The following VPS13C variants were observed in gnomAD, a reference collection of about 807,000 sequenced individuals.
VPS13C encodes intermembrane lipid transfer protein VPS13C.
In VPS13C, 358 loss-of-function variants were observed where a neutral mutation model predicts 456.8. That is an observed-to-expected ratio of 0.78 (90% confidence interval 0.72 to 0.86). The LOEUF is 0.86. VPS13C is among the 40% of genes least tolerant of loss of function. VPS13C has a pLI of 0.00. For missense variants in VPS13C, 4,818 were observed against 4,385.4 expected (o/e 1.10, Z -2.79); for synonymous variants, 1,578 against 1,486.7 (o/e 1.06, Z -1.41).
At position 61,882,749 on chromosome 15, in the gene VPS13C, C is replaced by T. The variant is rs2140047322; in HGVS notation, c.9484-13G>A. ...TATCAAAATTGACCTAGAAAAAAAG[C>T]ACATGTTTTTGTGATGAGCTGATAT... On this transcript the variant is annotated splice_polypyrimidine_tract_variant and intron_variant, in intron 68 of 84. Transcript: ENST00000644861. 6.3e-7 allele frequency: 1 copy of T among 1,580,508 alleles called. No homozygotes were observed. Among genetic ancestry groups the T allele is most frequent in the Non-Finnish European group, 8.6e-7 (1 of 1,166,354 alleles).
intron 13 of VPS13C, among the ~76,000 whole-genome samples, chr15:62,009,850 A>G (rs889885606): frequency 2.6e-5 from 4 of 152,160 alleles, no homozygotes; most frequent in African/African-American, 9.7e-5. Context: ...ATTTAATAAG[A>G]GTCTCTTCCA....
intron 9 of VPS13C, among the ~76,000 whole-genome samples, chr15:62,018,214 C>T (rs921007965): frequency 6.6e-6 from 1 of 152,106 alleles, no homozygotes; most frequent in Admixed American, 6.5e-5. Context: ...TCTAGATATA[C>T]AATCATGTCA....
chr15:61,853,501 G>A lies in VPS13C; in HGVS notation c.*956C>T, dbSNP rs1745994426. ...AGAGGGCAGAGTGTAGCTATTTTAA[G>A]GTTTGATTGTCCAGATTTTTTTATT... On this transcript the variant is annotated 3_prime_UTR_variant, in exon 85 of 85. Transcript: ENST00000644861. 1 of 151,990 alleles carries A rather than the reference G, an allele frequency of 6.6e-6. No homozygotes were observed. The highest frequency in any genetic ancestry group is 2.4e-5 in the African/African-American group (1 of 41,396). 9.4% of individuals were successfully genotyped at this position (151,990 alleles called of 1,614,324 possible).
chr15:61,866,106 AT>A (rs1311169097), intron 81 of VPS13C: 2 of 984,902 alleles, frequency 2.0e-6, no homozygotes, highest in African/African-American at 3.5e-5. Flanking sequence ...ATCAATAAAT[AT>A]TTTTACCCAA....
intron 66 of VPS13C, among the ~76,000 whole-genome samples, chr15:61,898,963 T>G (rs1012892845): frequency 1.1e-5 from 1 of 94,400 alleles, no homozygotes; most frequent in African/African-American, 3.8e-5. Context: ...TCAAAACCGC[T>G]CAACTACATG....
chr15:61,984,162 G>T, intron 19 of VPS13C, 150 bp from the exon 20 acceptor site: 1 of 645,998 alleles, frequency 1.5e-6, no homozygotes, highest in Non-Finnish European at 2.6e-6. Flanking sequence ...CCTTAGCCAG[G>T]CATTCAATTG....
chr15:61,966,385 A>T (rs1177136112), intron 29 of VPS13C, among the ~76,000 whole-genome samples: 1 of 151,890 alleles, frequency 6.6e-6, no homozygotes, highest in Admixed American at 6.6e-5. Flanking sequence ...GCTAAGAATC[A>T]GAATGACAAA....
chr15:61,914,829 G>A (rs1191930013), intron 61 of VPS13C, among the ~76,000 whole-genome samples: 1 of 143,556 alleles, frequency 7.0e-6, no homozygotes, highest in Non-Finnish European at 1.5e-5. Context: ...GCAAAGTGCT[G>A]GCTGGGATTT....
intron 66 of VPS13C, among the ~76,000 whole-genome samples, chr15:61,892,044 A>G (rs147397913): frequency 1.3e-3 from 201 of 152,324 alleles, no homozygotes; most frequent in African/African-American, 4.1e-3. Context: ...CACTGGATAA[A>G]GTGAGATCAA....
At chr15:61,924,215 A>AT (rs1271993510) in intron 53 of VPS13C, among the ~76,000 whole-genome samples, 1 of 152,062 alleles carries the variant, frequency 6.6e-6, no homozygotes, top group Non-Finnish European at 1.5e-5. Flanking sequence ...CTTTGTGCAT[A>AT]TTATCAGTTC....
intron 11 of VPS13C, 129 bp downstream of exon 11, chr15:62,012,910 A>G (rs2047096781): frequency 9.3e-6 from 5 of 537,814 alleles, no homozygotes; most frequent in Non-Finnish European, 1.5e-5. Context: ...GATGTTTTTC[A>G]TATTTCTGAT....
At chr15:61,893,497 G>C in intron 66 of VPS13C, among the ~76,000 whole-genome samples, 1 of 151,734 alleles carries the variant, frequency 6.6e-6, no homozygotes, top group East Asian at 1.9e-4. Flanking sequence ...GGAGTTACTT[G>C]ATATGAAAGA....
chr15:61,900,664 C>T (rs569410125), intron 66 of VPS13C, among the ~76,000 whole-genome samples: 1,702 of 150,802 alleles, frequency 0.011, 16 homozygotes, highest in Middle Eastern at 0.017. Context: ...GAATCAATAT[C>T]GTGAAAATGG....
chr15:61,931,728 C>T (rs562554974), intron 49 of VPS13C, among the ~76,000 whole-genome samples: 1 of 151,894 alleles, frequency 6.6e-6, no homozygotes, highest in Non-Finnish European at 1.5e-5. Flanking sequence ...AGGCGCCCAC[C>T]ACCATGCCCG....
chr15:62,049,473 G>A (rs959747350), intron 1 of VPS13C, among the ~76,000 whole-genome samples: 2 of 152,058 alleles, frequency 1.3e-5, no homozygotes, highest in Non-Finnish European at 2.9e-5. Context: ...TCTCTGTTTT[G>A]GTACCAGTAC....
chr15:62,056,172 C>T (rs1359357291), intron 1 of VPS13C, among the ~76,000 whole-genome samples: 3 of 152,106 alleles, frequency 2.0e-5, no homozygotes, highest in Admixed American at 6.5e-5. Context: ...GCCACCCAGG[C>T]GCCAAGGCAA....
chr15:61,991,622 G>T (rs773628804), intron 17 of VPS13C, 51 bp downstream of exon 17: 88 of 1,505,178 alleles, frequency 5.8e-5, no homozygotes, highest in Middle Eastern at 1.8e-4. Context: ...AATTTACACA[G>T]TTTTTTTTTA....
chr15:61,914,395 C>A (rs2140157082), intron 61 of VPS13C, among the ~76,000 whole-genome samples: 2 of 151,936 alleles, frequency 1.3e-5, no homozygotes, highest in South Asian at 4.2e-4. Flanking sequence ...ATGGTGAAAT[C>A]CCATCTCTAC....
intron 2 of VPS13C, 68 bp from the exon 3 acceptor site, chr15:62,041,434 G>A (rs370858139): frequency 3.9e-5 from 58 of 1,471,968 alleles, no homozygotes; most frequent in Non-Finnish European, 4.9e-5. Context: ...TCACTTTTGT[G>A]TGATCATTTA....
Sources: gnomAD v4.1 joint callset for allele counts (sites outside exome capture counted in the v4.1 genomes callset) on GRCh38, gnomAD v4.1.1 for gene constraint, MANE v1.5 for transcripts, NCBI Gene and HGNC (gene_info 2026-07-23, HGNC 2026-07-21) for gene names.